Variants in CSMD1 observed in about 807,000 individuals in gnomAD.
CSMD1 encodes CUB and Sushi multiple domains 1, also known as CUB and sushi domain-containing protein 1.
CSMD1 carries 213 observed loss-of-function variants against 417.5 expected under a neutral mutation model. The ratio of observed to expected loss-of-function variants is 0.51; its 90% CI spans 0.46 to 0.57. The LOEUF (loss-of-function observed/expected upper bound fraction) is 0.57, where lower values mean the gene tolerates loss of function less well. CSMD1 is among the 20% of genes least tolerant of loss of function. The pLI is 0.00. For missense variants in CSMD1, 6,923 were observed against 4,529.7 expected, an observed-to-expected ratio of 1.53 and a Z score of -15.17; for synonymous variants, 2,862 against 1,736.8, an observed-to-expected ratio of 1.65 and a Z score of -16.11.
At chr8:4,491,933 C>G (rs1001751162) in intron 2 of CSMD1, among the ~76,000 whole-genome samples, 1 of 151,594 alleles carries the variant, frequency 6.6e-6, no homozygotes, top group African/African-American at 2.4e-5. Context: ...TTTATAGCAG[C>G]TTTATTCATA....
intron 3 of CSMD1, among the ~76,000 whole-genome samples, chr8:4,135,331 G>A (rs897175905): frequency 1.7e-4 from 4 of 23,736 alleles, no homozygotes; most frequent in African/African-American, 3.4e-4. Flanking sequence ...AGCGAAGGAA[G>A]GGGAAAGAAG....
intron 5 of CSMD1, among the ~76,000 whole-genome samples, chr8:3,927,492 C>T (rs919511001): frequency 6.6e-6 from 1 of 151,772 alleles, no homozygotes; most frequent in African/African-American, 2.4e-5. Context: ...TGGTGAGACC[C>T]CATCTCTACT....
intron 12 of CSMD1, among the ~76,000 whole-genome samples, chr8:3,423,265 A>G (rs1209977589): frequency 6.6e-6 from 1 of 152,172 alleles, no homozygotes; most frequent in Non-Finnish European, 1.5e-5. Context: ...TGTATCCAAC[A>G]CCAAAATCAT....
At chr8:3,320,338 C>A (rs990673201) in intron 23 of CSMD1, among the ~76,000 whole-genome samples, 3 of 152,146 alleles carry the variant, frequency 2.0e-5, no homozygotes, top group African/African-American at 7.2e-5. Context: ...GCCTCCTTCA[C>A]ATCTTAGCTG....
chr8:4,139,311 C>G (rs1214139328), intron 3 of CSMD1, among the ~76,000 whole-genome samples: 2 of 152,106 alleles, frequency 1.3e-5, no homozygotes, highest in South Asian at 2.1e-4. Context: ...TGTCGTTATA[C>G]TTATACGAAA....
intron 1 of CSMD1, among the ~76,000 whole-genome samples, chr8:4,733,372 G>C (rs1381323984): frequency 6.6e-6 from 1 of 152,168 alleles, no homozygotes; most frequent in Non-Finnish European, 1.5e-5. Context: ...TACCCTAGCA[G>C]GTTATAGTGA....
intron 30 of CSMD1, among the ~76,000 whole-genome samples, chr8:3,213,968 AC>A (rs1797752643): frequency 6.6e-6 from 1 of 151,430 alleles, no homozygotes; most frequent in African/African-American, 2.4e-5. Context: ...GCCTCACCCT[AC>A]TGAGTAGCTG....
rs747587849 is a variant in CSMD1, at chr8:3,907,597, C to T, written c.818+90306G>A. ...AGTGGTTGTGCCAGGTACAGGCCAA[C>T]ATCATGAAAAACAAGCCTAAGTTCA... On this transcript the variant is annotated intron_variant, in intron 5 of 69. Transcript: ENST00000635120. Among the ~76,000 whole-genome samples, 3 of 152,166 alleles carry T rather than the reference C, an allele frequency of 2.0e-5. No individual in the cohort carries two copies. The East Asian group carries it at 5.8e-4, about 29-fold the overall frequency.
chr8:4,652,787 A>C (rs766080924), intron 1 of CSMD1, among the ~76,000 whole-genome samples: 7 of 152,066 alleles, frequency 4.6e-5, no homozygotes, highest in Admixed American at 6.5e-5. Flanking sequence ...TTTTCTGTGA[A>C]GGGTGTGGGG....
chr8:2,975,945 C>T (rs1203499517), intron 55 of CSMD1, among the ~76,000 whole-genome samples: 2 of 152,132 alleles, frequency 1.3e-5, no homozygotes, highest in Non-Finnish European at 2.9e-5. Flanking sequence ...TCACACAAGC[C>T]AGTGGAGACA....
rs570621060 is a variant in CSMD1 at position 4,145,358 on chromosome 8, T to C, written c.416-113259A>G. Among the ~76,000 whole-genome samples the C allele has an allele frequency of 4.0e-5, 6 of 151,160 alleles. No individual in the cohort carries two copies. The East Asian group carries it at 9.7e-4, about 24-fold the overall frequency. ...AATGATCCAATATGTCAGAAAGATC[T>C]GGAAAAATGTCCCAAACATTATATA... On this transcript the variant is annotated intron_variant, in intron 3 of 69. Transcript: ENST00000635120.
At chr8:4,222,819 C>T (rs1338885243) in intron 3 of CSMD1, among the ~76,000 whole-genome samples, 1 of 152,080 alleles carries the variant, frequency 6.6e-6, no homozygotes, top group Non-Finnish European at 1.5e-5. Flanking sequence ...AGGATTTTGC[C>T]AGACTAAGAG....
chr8:3,792,373 T>C (rs1286859435), intron 5 of CSMD1, among the ~76,000 whole-genome samples: 1 of 152,218 alleles, frequency 6.6e-6, no homozygotes, highest in Non-Finnish European at 1.5e-5. Context: ...TGATCATTAA[T>C]GTAGCCACTT....
chr8:4,518,194 G>C (rs1304183523), intron 2 of CSMD1, among the ~76,000 whole-genome samples: 2 of 152,050 alleles, frequency 1.3e-5, no homozygotes, highest in South Asian at 4.1e-4. Flanking sequence ...ATATTCATGT[G>C]GGCTGACTCA....
At chr8:4,180,592 G>GA (rs912335930) in intron 3 of CSMD1, among the ~76,000 whole-genome samples, 15 of 151,614 alleles carry the variant, frequency 9.9e-5, no homozygotes, top group South Asian at 4.2e-4. Flanking sequence ...ATTAAAAAAA[G>GA]AAAAAATAAA....
intron 3 of CSMD1, among the ~76,000 whole-genome samples, chr8:4,405,884 T>C (rs920235570): frequency 2.0e-5 from 3 of 152,154 alleles, no homozygotes; most frequent in African/African-American, 7.2e-5. Flanking sequence ...ATGTGGTTAT[T>C]TTTGGTCAAT....
chr8:4,757,632 C>T (rs1339876127), intron 1 of CSMD1, among the ~76,000 whole-genome samples: 2 of 152,106 alleles, frequency 1.3e-5, no homozygotes, highest in East Asian at 3.9e-4. Flanking sequence ...CTCTCTTCAG[C>T]TTTTATGAAT....
At chr8:3,581,624 G>T (rs1489078000) in intron 9 of CSMD1, among the ~76,000 whole-genome samples, 1 of 152,136 alleles carries the variant, frequency 6.6e-6, no homozygotes, top group Middle Eastern at 3.2e-3. Flanking sequence ...GTCCTTCCTG[G>T]ATGCACCTCG....
chr8:4,400,363 A>C (rs991390186), intron 3 of CSMD1, among the ~76,000 whole-genome samples: 1 of 152,220 alleles, frequency 6.6e-6, no homozygotes, highest in Non-Finnish European at 1.5e-5. Flanking sequence ...AAAGCTTCCA[A>C]ATGCTTTTCA....
Sources: allele counts gnomAD v4.1 joint callset (sites outside exome capture counted in the v4.1 genomes callset), GRCh38; gene constraint gnomAD v4.1.1; transcripts MANE v1.5; gene names NCBI Gene and HGNC (gene_info 2026-07-23, HGNC 2026-07-21).